The following TLL2 variants were observed in gnomAD, a reference collection of about 807,000 sequenced individuals.
TLL2 encodes the protein tolloid-like protein 2.
A neutral mutation model predicts 123.0 loss-of-function variants in TLL2; 106 were observed. The ratio of observed to expected loss-of-function variants is 0.86; its 90% CI spans 0.74 to 1.01. The LOEUF (loss-of-function observed/expected upper bound fraction) is 1.01, where lower values mean the gene tolerates loss of function less well. Ranked by LOEUF, TLL2 falls within the 50% of genes least tolerant of loss-of-function variation. The probability of loss-of-function intolerance (pLI) is 0.00; values close to 1 mark genes in which losing one functional copy is unlikely to be tolerated. For synonymous variants in TLL2, 494 were observed against 516.8 expected (o/e 0.96, Z 0.60); for missense variants, 1,332 against 1,336.7 (o/e 1.00, Z 0.06).
intron 3 of TLL2, among the ~76,000 whole-genome samples, chr10:96,442,677 C>T (rs1846861254): frequency 6.6e-6 from 1 of 152,196 alleles, no homozygotes; most frequent in Non-Finnish European, 1.5e-5. Context: ...CTGAAAAGCC[C>T]AAGATTTTTT....
chr10:96,404,050 T>G (rs958190983), intron 10 of TLL2, among the ~76,000 whole-genome samples: 5 of 152,096 alleles, frequency 3.3e-5, no homozygotes, highest in Admixed American at 6.6e-5. Flanking sequence ...GCTCTCCTAC[T>G]ACATTCCTTT....
At chr10:96,471,503 G>C (rs1847183310) in intron 2 of TLL2, among the ~76,000 whole-genome samples, 1 of 152,156 alleles carries the variant, frequency 6.6e-6, no homozygotes, top group South Asian at 2.1e-4. Flanking sequence ...ACAGAAGTTG[G>C]GGGTCGCATA....
At chr10:96,414,721 C>T (rs113096896) in intron 7 of TLL2, among the ~76,000 whole-genome samples, 3,066 of 152,208 alleles carry the variant, frequency 0.02, 55 homozygotes, top group South Asian at 0.057. Flanking sequence ...TTATATCCAA[C>T]GTGCTCAAAA....
At position 96,413,283 on chromosome 10, in the gene TLL2, T is replaced by C; in HGVS notation, c.957A>G (p.Gln319=). The change falls in exon 8 of 21, where the codon CAA becomes CAG. Residue 319 remains glutamine (Q), a synonymous_variant. Transcript: ENST00000357947. ...GVFLDTILPR[Q]DDNGVRPTIG... ...TGGTTGGCCTGACGCCATTGTCATC[T>C]TGACGGGGAAGGATGGTGTCTAAGA... 1.2e-6 allele frequency: 2 copies of C among 1,614,112 alleles called. No individual in the cohort carries two copies. Among genetic ancestry groups the C allele is most frequent in the Non-Finnish European group, 1.7e-6 (2 of 1,179,942 alleles).
chr10:96,497,074 A>C (rs1190443125), intron 1 of TLL2, among the ~76,000 whole-genome samples: 3 of 152,002 alleles, frequency 2.0e-5, no homozygotes, highest in Non-Finnish European at 4.4e-5. Flanking sequence ...TGAGATCAGG[A>C]GTTTAAAACT....
intron 2 of TLL2, among the ~76,000 whole-genome samples, chr10:96,477,100 T>G (rs940936560): frequency 7.0e-5 from 10 of 142,976 alleles, no homozygotes; most frequent in South Asian, 4.5e-4. Flanking sequence ...TAAAAAATAT[T>G]CCCATTCTGA....
chr10:96,405,268 C>T lies in TLL2; in HGVS notation c.1231G>A (p.Val411Ile), dbSNP rs554679324. 6.2e-7 allele frequency: 1 copy of T among 1,614,160 alleles called. No homozygotes were observed. Among genetic ancestry groups the T allele is most frequent in the Non-Finnish European group, 8.5e-7 (1 of 1,180,028 alleles). ...SRLCWYDYVE[V>I]RDGYWRKAPL... ...GCTTTTCTCCAGTAACCATCCCGGA[C>T]CTCCACGTAATCATACCAGCACAGT... The change falls in exon 10 of 21, where the codon GTC becomes ATC. Residue 411 changes from valine to isoleucine, a missense_variant. Transcript: ENST00000357947.
At chr10:96,390,252 T>C (rs549674734) in intron 13 of TLL2, among the ~76,000 whole-genome samples, 45 of 152,350 alleles carry the variant, frequency 3.0e-4, no homozygotes, top group Middle Eastern at 3.4e-3. Flanking sequence ...GCAGGGCATA[T>C]TCTTAGGCTT....
chr10:96,472,881 A>T (rs1847198202), intron 2 of TLL2, among the ~76,000 whole-genome samples: 1 of 152,238 alleles, frequency 6.6e-6, no homozygotes, highest in African/African-American at 2.4e-5. Flanking sequence ...AAGTTCTCTG[A>T]TTCTGGACAT....
intron 3 of TLL2, among the ~76,000 whole-genome samples, chr10:96,443,333 C>G (rs1846866873): frequency 6.6e-6 from 1 of 152,202 alleles, no homozygotes; most frequent in Non-Finnish European, 1.5e-5. Flanking sequence ...AATGGACTGG[C>G]AACTTCTGTT....
At position 96,413,222 on chromosome 10, in the gene TLL2, C is replaced by T. The variant is rs1042524459; in HGVS notation, c.1018G>A (p.Ala340Thr). 4 of 1,614,178 alleles carry T rather than the reference C, an allele frequency of 2.5e-6. No homozygotes were observed. The highest frequency in any genetic ancestry group is 3.4e-6 in the Non-Finnish European group (4 of 1,180,012). ...QRVRLSQGDI[A>T]QARKLYKCPA... ...CATTTGTACAGCTTCCGGGCTTGAGCTATGTCTCCCTGACTGAGCCGCACG... is the reference window on the plus strand; with the variant it reads ...CATTTGTACAGCTTCCGGGCTTGAGTTATGTCTCCCTGACTGAGCCGCACG... Residue 340 changes from alanine (A) to threonine (T), a missense_variant, in exon 8 of 21, where the codon GCT becomes ACT. Ala to Thr is a moderately conservative substitution (Grantham distance 58). Coordinates refer to ENST00000357947, the MANE Select transcript of TLL2 (RefSeq NM_012465.4).
chr10:96,420,307 AAAATCTTTAATGTCTGC>A, intron 7 of TLL2, among the ~76,000 whole-genome samples: 1 of 152,376 alleles, frequency 6.6e-6, no homozygotes, highest in African/African-American at 2.4e-5. Flanking sequence ...GAAAATACTG[AAAATCTTTAATGTCTGC>A]TAGGCGCAGC....
Position 96,368,210 on chromosome 10 carries a change from T to C in TLL2, c.2926A>G (p.Ile976Val), listed in dbSNP as rs1308357930. The change falls in exon 21 of 21, where the codon ATC becomes GTC. Residue 976 changes from isoleucine to valine, a missense_variant. Coordinates refer to ENST00000357947, the MANE Select transcript of TLL2 (RefSeq NM_012465.4). ...ATCAGGGAATCACCTGCAGAGTAGATTTCTTCTAATGGCTGAGGAAAGGAG... is the reference window on the plus strand; with the variant it reads ...ATCAGGGAATCACCTGCAGAGTAGACTTCTTCTAATGGCTGAGGAAAGGAG... ...RFCGSGPLEE[I>V]YSAGDSLMIR... 1.2e-6 allele frequency: 2 copies of C among 1,613,980 alleles called. No individual in the cohort carries two copies. The highest frequency in any genetic ancestry group is 1.7e-6 in the Non-Finnish European group (2 of 1,180,028).
intron 11 of TLL2, among the ~76,000 whole-genome samples, chr10:96,396,923 C>T (rs536115034): frequency 1.7e-4 from 26 of 152,248 alleles, no homozygotes; most frequent in Admixed American, 8.5e-4. Context: ...TGGGGGAAGC[C>T]GACTCCTCAG....
At chr10:96,428,524 C>A in intron 5 of TLL2, 107 bp downstream of exon 5, 3 of 753,516 alleles carry the variant, frequency 4.0e-6, no homozygotes, top group Non-Finnish European at 2.2e-6. Flanking sequence ...ACCCTGGACT[C>A]CTCTAAATAA....
chr10:96,450,969 T>C (rs576519787), intron 2 of TLL2, among the ~76,000 whole-genome samples: 1 of 152,290 alleles, frequency 6.6e-6, no homozygotes, highest in East Asian at 1.9e-4. Flanking sequence ...TATTCAGACG[T>C]CTCCTTTGCA....
chr10:96,386,338 T>G, intron 14 of TLL2, 123 bp from the exon 15 acceptor site: 2 of 1,030,498 alleles, frequency 1.9e-6, no homozygotes, highest in Non-Finnish European at 2.7e-6. Flanking sequence ...CAATTTGAAC[T>G]GATTAATTCA....
intron 7 of TLL2, among the ~76,000 whole-genome samples, chr10:96,415,761 C>G (rs866950325): frequency 5.2e-4 from 57 of 110,258 alleles, no homozygotes; most frequent in African/African-American, 1.0e-3. Context: ...CTCTCTCTCT[C>G]TCTCTGTCTC....
At chr10:96,484,114 G>T (rs1847336419) in intron 1 of TLL2, among the ~76,000 whole-genome samples, 1 of 152,194 alleles carries the variant, frequency 6.6e-6, no homozygotes, top group South Asian at 2.1e-4. Context: ...AAAGTGCTGG[G>T]ATTATAGGCA....
Sources: gnomAD v4.1 joint callset for allele counts (sites outside exome capture counted in the v4.1 genomes callset) on GRCh38, gnomAD v4.1.1 for gene constraint, MANE v1.5 for transcripts, NCBI Gene and HGNC (gene_info 2026-07-23, HGNC 2026-07-21) for gene names.